Variants in PHF19 observed in about 807,000 individuals in gnomAD.
PHF19 encodes the protein PHD finger protein 19.
Under a neutral mutation model 79.8 loss-of-function variants are expected in PHF19, and 21 were observed. That is an observed-to-expected ratio of 0.26 (90% CI 0.19 to 0.38). The LOEUF (loss-of-function observed/expected upper bound fraction) is 0.38. Among genes scored for constraint, PHF19 ranks in the 10% least tolerant of loss-of-function variants. The probability of loss-of-function intolerance (pLI) is 1.00; values close to 1 mark genes in which losing one functional copy is unlikely to be tolerated. For synonymous variants in PHF19, 273 were observed against 296.3 expected (o/e 0.92, Z 0.81); for missense variants, 445 against 744.2 (o/e 0.60, Z 4.68).
In PHF19 at chr9:120,870,346, G is replaced by T; in HGVS notation, c.364+97C>A. The T allele has an allele frequency of 1.3e-6, 1 of 766,626 alleles. No homozygotes were observed. 47.5% of individuals were successfully genotyped at this position (766,626 alleles called of 1,614,324 possible). A position where few individuals can be genotyped will look rare whatever the true frequency, so the allele number is the denominator to read the frequency against. On this transcript the variant is annotated intron_variant, in intron 4 of 14. Coordinates refer to ENST00000373896, the MANE Select transcript of PHF19 (RefSeq NM_015651.3). The surrounding 1 kb of genome is among the most constrained non-coding windows in gnomAD (Gnocchi z 4.4). Reference sequence around the variant, plus strand: ...CAGTGCCAAGAGAAACAGGAAGCCAGCTGAGGCCCCAACAGGCTGCAGCAG... The same window carrying T: ...CAGTGCCAAGAGAAACAGGAAGCCATCTGAGGCCCCAACAGGCTGCAGCAG...
chr9:120,892,530 C>T (rs533804373), intron 1 of PHF19, among the ~76,000 whole-genome samples: 1 of 152,232 alleles, frequency 6.6e-6, no homozygotes, highest in South Asian at 2.1e-4. Flanking sequence ...CAATGGTGTG[C>T]CAGTGTCTTA....
intron 1 of PHF19, among the ~76,000 whole-genome samples, chr9:120,894,012 C>T (rs1334697652): frequency 4.6e-5 from 7 of 152,178 alleles, no homozygotes; most frequent in Admixed American, 2.6e-4. Flanking sequence ...GCCCACCCAG[C>T]GCTCCCAGTT....
At position 120,866,100 on chromosome 9, in the gene PHF19, T is replaced by C. The variant is rs749929537; in HGVS notation, c.711-4A>G. On this transcript the variant is annotated splice_polypyrimidine_tract_variant and splice_region_variant and intron_variant, in intron 7 of 14. Coordinates refer to ENST00000373896, the MANE Select transcript of PHF19 (RefSeq NM_015651.3). This position sits in a 1 kb window ranked among gnomAD's most constrained non-coding sequence, Gnocchi z 5.2. ...GGAGCAGAAGAACAGGTAAAACCTG[T>C]GGGTGGGTAGAGACGGGGGCCTATG... The C allele has an allele frequency of 1.2e-5, 19 of 1,612,842 alleles. No individual in the cohort carries two copies. In the South Asian group the frequency reaches 1.8e-4, roughly 15 times the overall value.
chr9:120,869,104 G>C lies in PHF19; in HGVS notation c.614+78C>G. 1.4e-6 allele frequency: 2 copies of C among 1,434,338 alleles called. No individual in the cohort carries two copies. The highest frequency in any genetic ancestry group is 1.9e-6 in the Non-Finnish European group (2 of 1,073,152). 88.9% of individuals were successfully genotyped at this position (1,434,338 alleles called of 1,614,324 possible). On this transcript the variant is annotated intron_variant, in intron 6 of 14. Transcript: ENST00000373896. The surrounding 1 kb of genome is among the most constrained non-coding windows in gnomAD (Gnocchi z 5.8). Reference sequence around the variant, plus strand: ...CCGCCTTGGCTGACACGCCAGGCTCGCTCCCTATGGGCGGTCCCTGCTGGC... The same window carrying C: ...CCGCCTTGGCTGACACGCCAGGCTCCCTCCCTATGGGCGGTCCCTGCTGGC...
intron 1 of PHF19, among the ~76,000 whole-genome samples, chr9:120,889,686 A>G (rs2046314317): frequency 6.6e-6 from 1 of 152,094 alleles, no homozygotes; most frequent in African/African-American, 2.4e-5. Context: ...GGCTGCCTTC[A>G]GTGAGCCATG....
rs148235804 is a variant in PHF19 at position 120,866,890 on chromosome 9, C to T, written c.690G>A (p.Glu230=). ...FHEACTQCLN[E]PMMFGDRFYL... ...CCTACCGGTCTCCAAACATCATGGG[C>T]TCATTGAGGCACTGGGTGCAGGCCT... The change falls in exon 7 of 15, where the codon GAG becomes GAA. Residue 230 remains glutamate (E), a synonymous_variant. Transcript: ENST00000373896. This position sits in a 1 kb window ranked among gnomAD's most constrained non-coding sequence, Gnocchi z 5.2. The T allele has an allele frequency of 1.2e-6, 2 of 1,607,692 alleles. No individual in the cohort carries two copies. The highest frequency in any genetic ancestry group is 8.5e-7 in the Non-Finnish European group (1 of 1,174,124).
chr9:120,885,877 C>T (rs2131590095), intron 1 of PHF19, among the ~76,000 whole-genome samples: 1 of 152,340 alleles, frequency 6.6e-6, no homozygotes, highest in African/African-American at 2.4e-5. Context: ...AAGTGACCTT[C>T]AGGACCTCTT....
At chr9:120,873,340 G>A (rs968717592) in intron 3 of PHF19, among the ~76,000 whole-genome samples, 30 of 152,178 alleles carry the variant, frequency 2.0e-4, no homozygotes, top group African/African-American at 5.3e-4. Context: ...GGCAAAGATG[G>A]CCCTGACTTG....
Position 120,874,850 on chromosome 9 carries a change from G to T in PHF19, c.-15-94C>A. ...GGAAACCACCATTTCTGTACCCTGTGCTATAAGCCAGACTTGGTTATTATC... is the reference window on the plus strand; with the variant it reads ...GGAAACCACCATTTCTGTACCCTGTTCTATAAGCCAGACTTGGTTATTATC... On this transcript the variant is annotated intron_variant, in intron 1 of 14. Coordinates refer to ENST00000373896, the MANE Select transcript of PHF19 (RefSeq NM_015651.3). This position sits in a 1 kb window ranked among gnomAD's most constrained non-coding sequence, Gnocchi z 4.5. The T allele has an allele frequency of 1.4e-6, 1 of 734,650 alleles. No homozygotes were observed. The allele number at this position is 734,650 out of a possible 1,614,324, so 45.5% of individuals were successfully genotyped here. A position where few individuals can be genotyped will look rare whatever the true frequency, so the allele number is the denominator to read the frequency against.
intron 1 of PHF19, among the ~76,000 whole-genome samples, chr9:120,892,556 G>A (rs1313153787): frequency 4.6e-5 from 7 of 152,164 alleles, no homozygotes; most frequent in Admixed American, 2.6e-4. Context: ...ACTGAATTGC[G>A]TGGGATCAAG....
intron 1 of PHF19, among the ~76,000 whole-genome samples, chr9:120,888,517 C>T (rs1355247022): frequency 6.6e-6 from 1 of 152,162 alleles, no homozygotes; most frequent in Non-Finnish European, 1.5e-5. Context: ...TCATGGCACC[C>T]AAAAATGGTT....
intron 9 of PHF19, among the ~76,000 whole-genome samples, chr9:120,865,268 G>C (rs1050276824): frequency 6.6e-5 from 10 of 152,216 alleles, no homozygotes; most frequent in African/African-American, 2.4e-4. Flanking sequence ...CAGCCTCAAA[G>C]CTCTGCTGAC....
intron 3 of PHF19, among the ~76,000 whole-genome samples, chr9:120,872,299 G>A (rs1231371137): frequency 6.6e-6 from 1 of 152,186 alleles, no homozygotes; most frequent in Admixed American, 6.5e-5. Context: ...CTCATCTCAG[G>A]AGATGCTAGA....
upstream of PHF19, among the ~76,000 whole-genome samples, chr9:120,881,390 G>A (rs775133812): frequency 2.5e-4 from 38 of 152,046 alleles, 1 homozygote; most frequent in African/African-American, 6.3e-4. Flanking sequence ...CTCGTGATCC[G>A]CCCACTTCTG....
At chr9:120,881,261 C>CTT (rs2046179532), upstream of PHF19, among the ~76,000 whole-genome samples, 1 of 151,570 alleles carries the variant, frequency 6.6e-6, no homozygotes, top group African/African-American at 2.4e-5. Flanking sequence ...CCTTCTCCTG[C>CTT]CTCAGCCTCC....
exon 1 of PHF19, chr9:120,894,874 T>C: frequency 9.4e-7 from 1 of 1,064,838 alleles, no homozygotes; most frequent in Non-Finnish European, 1.2e-6. Context: ...GATGAATGAA[T>C]GCTAAATACA....
At chr9:120,875,458 C>T in intron 1 of PHF19, among the ~76,000 whole-genome samples, 1 of 152,200 alleles carries the variant, frequency 6.6e-6, no homozygotes, top group East Asian at 1.9e-4. Context: ...ACGTGCAGTT[C>T]ACCCATCGAT....
upstream of PHF19, among the ~76,000 whole-genome samples, chr9:120,896,437 CTTTTTTTTTTTTTCT>C (rs1311264685): frequency 6.3e-4 from 78 of 124,040 alleles, 1 homozygote; most frequent in Admixed American, 4.1e-3. Context: ...TTGTATGGTT[CTTTTTTTTTTTTTCT>C]TTTTTTTTTT....
At chr9:120,896,437 C>CTTT (rs58824573), upstream of PHF19, among the ~76,000 whole-genome samples, 1 of 124,036 alleles carries the variant, frequency 8.1e-6, no homozygotes, top group Non-Finnish European at 1.6e-5. Flanking sequence ...TTGTATGGTT[C>CTTT]TTTTTTTTTT....
Sources: allele counts gnomAD v4.1 joint callset (sites outside exome capture counted in the v4.1 genomes callset), GRCh38; gene constraint gnomAD v4.1.1; non-coding constraint Gnocchi (gnomAD v3.1); transcripts MANE v1.5; gene names NCBI Gene and HGNC (gene_info 2026-07-23, HGNC 2026-07-21).